MAP3K13: variants seen among roughly 807,000 people sequenced by gnomAD.
The protein encoded by MAP3K13 is leucine zipper-bearing kinase.
Under a neutral mutation model 104.0 loss-of-function variants are expected in MAP3K13, and 52 were observed. The observed-to-expected ratio is 0.50, with a 90% CI of 0.40 to 0.63. The LOEUF is 0.63. Ranked by LOEUF, MAP3K13 falls within the 20% of genes least tolerant of loss-of-function variation. The pLI is 0.00. For missense variants in MAP3K13, 914 were observed against 1,218.5 expected (o/e 0.75, Z 3.72); for synonymous variants, 394 against 442.2 (o/e 0.89, Z 1.37).
chr3:185,410,554 C>T (rs141660190), intron 1 of MAP3K13, among the ~76,000 whole-genome samples: 3 of 152,180 alleles, frequency 2.0e-5, no homozygotes, highest in African/African-American at 7.2e-5. Flanking sequence ...TGCTAATTAC[C>T]CCAATCTGCT....
At chr3:185,309,559 G>T (rs1331414505) in intron 2 of MAP3K13, among the ~76,000 whole-genome samples, 4 of 151,772 alleles carry the variant, frequency 2.6e-5, no homozygotes, top group Non-Finnish European at 5.9e-5. Flanking sequence ...AAAGATTGGG[G>T]CAAGTCAGCA....
At chr3:185,283,366 C>G (rs1720379260) in intron 1 of MAP3K13, among the ~76,000 whole-genome samples, 2 of 152,042 alleles carry the variant, frequency 1.3e-5, no homozygotes, top group South Asian at 4.1e-4. Flanking sequence ...CTAGGGTTCA[C>G]CTACCCCGAC....
At position 185,428,796 on chromosome 3, in the gene MAP3K13, T is replaced by C; in HGVS notation, c.215T>C (p.Val72Ala). The C allele has an allele frequency of 1.2e-6, 2 of 1,614,046 alleles. No individual in the cohort carries two copies. Among genetic ancestry groups the C allele is most frequent in the South Asian group, 2.2e-5 (2 of 91,074 alleles). Residue 72 changes from valine to alanine, a missense_variant, in exon 2 of 14, where the codon GTA becomes GCA. By Grantham distance (64) the Val-to-Ala change is moderately conservative. Transcript: ENST00000265026. Reference protein sequence around the residue: ...SPVTTTVLTSVSEDSRDQFEN... With the variant: ...SPVTTTVLTSASEDSRDQFEN... ...GTCACCACAACAGTGTTGACGAGCG[T>C]AAGTGAGGATTCCAGGGACCAGTTT...
intron 1 of MAP3K13, among the ~76,000 whole-genome samples, chr3:185,384,126 C>A (rs533611998): frequency 1.8e-4 from 27 of 152,264 alleles, no homozygotes; most frequent in African/African-American, 6.0e-4. Context: ...CTTCTGGTAA[C>A]TATTGTTCTA....
chr3:185,328,908 A>G (rs1722138221), intron 2 of MAP3K13: 5 of 294,168 alleles, frequency 1.7e-5, no homozygotes, highest in Non-Finnish European at 3.3e-5. Flanking sequence ...TTAGTCTGTG[A>G]GGAAACTGGC....
chr3:185,318,771 C>CT (rs1246900349), intron 2 of MAP3K13, among the ~76,000 whole-genome samples: 4 of 152,060 alleles, frequency 2.6e-5, no homozygotes, highest in Non-Finnish European at 5.9e-5. Context: ...CAAAATAGAG[C>CT]TTTTAAAAAA....
intron 2 of MAP3K13, among the ~76,000 whole-genome samples, chr3:185,339,771 G>T (rs962595558): frequency 6.6e-6 from 1 of 152,216 alleles, no homozygotes; most frequent in Non-Finnish European, 1.5e-5. Flanking sequence ...GATTTGGCCC[G>T]TGGGCTATAG....
At chr3:185,369,963 C>T (rs978416974) in intron 1 of MAP3K13, among the ~76,000 whole-genome samples, 1 of 152,210 alleles carries the variant, frequency 6.6e-6, no homozygotes, top group African/African-American at 2.4e-5. Flanking sequence ...CTTACCAGGT[C>T]ATCCTTAGCA....
intron 2 of MAP3K13, among the ~76,000 whole-genome samples, chr3:185,294,870 T>C (rs1384706928): frequency 2.0e-5 from 3 of 152,216 alleles, no homozygotes; most frequent in African/African-American, 4.8e-5. Context: ...TTCTGTCTTT[T>C]CTACTTCCTA....
chr3:185,431,929 C>T (rs1048562674), intron 2 of MAP3K13, among the ~76,000 whole-genome samples: 2 of 152,100 alleles, frequency 1.3e-5, no homozygotes, highest in South Asian at 2.1e-4. Context: ...AATTCTTCGT[C>T]AGTCCCTGGT....
In MAP3K13 at chr3:185,488,337, C is replaced by T. The variant is rs918125373; in HGVS notation, c.*5881C>T. 2 of 152,146 alleles carry T rather than the reference C, an allele frequency of 1.3e-5. No individual in the cohort carries two copies. Among genetic ancestry groups the T allele is most frequent in the African/African-American group, 4.8e-5 (2 of 41,426 alleles). The allele number at this position is 152,146 out of a possible 1,614,324, so 9.4% of individuals were successfully genotyped here. On this transcript the variant is annotated 3_prime_UTR_variant, in exon 14 of 14. Transcript: ENST00000265026. The stretch of plus-strand genomic sequence containing the variant: ...AGTGTCCCACCCTCACAGACTGGCA[C>T]ATTAGAATCATATTAATCTGCTTGT...
chr3:185,429,407 A>T (rs1274903249), intron 2 of MAP3K13, among the ~76,000 whole-genome samples: 1 of 152,230 alleles, frequency 6.6e-6, no homozygotes, highest in Admixed American at 6.5e-5. Context: ...TCATATTTTA[A>T]TATAGCTGTG....
chr3:185,303,478 G>C (rs573308894), intron 2 of MAP3K13, among the ~76,000 whole-genome samples: 32 of 151,830 alleles, frequency 2.1e-4, no homozygotes, highest in Non-Finnish European at 5.9e-5. Flanking sequence ...GGAGGTGTTT[G>C]ATTACTGATT....
chr3:185,341,931 T>G, intron 2 of MAP3K13, among the ~76,000 whole-genome samples: 1 of 152,234 alleles, frequency 6.6e-6, no homozygotes, highest in Non-Finnish European at 1.5e-5. Context: ...TCTAGCACTT[T>G]AAGAAAAAGT....
At chr3:185,373,890 T>G (rs185682622) in intron 1 of MAP3K13, among the ~76,000 whole-genome samples, 11 of 147,172 alleles carry the variant, frequency 7.5e-5, no homozygotes, top group Non-Finnish European at 1.6e-4. Flanking sequence ...GCAGGCGGGC[T>G]GAGTCCGCAA....
chr3:185,329,043 AAT>A (rs1158450456), intron 2 of MAP3K13: 1 of 494,230 alleles, frequency 2.0e-6, no homozygotes, highest in African/African-American at 1.9e-5. Context: ...TCAAAGATTA[AAT>A]CAAGTTTCTA....
chr3:185,459,829 T>C (rs1337671521), intron 7 of MAP3K13, among the ~76,000 whole-genome samples: 1 of 152,150 alleles, frequency 6.6e-6, no homozygotes, highest in Non-Finnish European at 1.5e-5. Flanking sequence ...CACTATCTGT[T>C]TCCAAAAATT....
chr3:185,472,871 A>T, intron 10 of MAP3K13, 104 bp from the exon 11 acceptor site: 1 of 1,030,856 alleles, frequency 9.7e-7, no homozygotes, highest in Non-Finnish European at 1.5e-6. Context: ...AATCCTGATG[A>T]CTGCTGATTC....
intron 2 of MAP3K13, among the ~76,000 whole-genome samples, chr3:185,321,795 G>C (rs1721879376): frequency 6.6e-6 from 1 of 152,130 alleles, no homozygotes; most frequent in Non-Finnish European, 1.5e-5. Context: ...GTAGAGACAA[G>C]GTTTCACCAT....
Sources: gnomAD v4.1 joint callset for allele counts (sites outside exome capture counted in the v4.1 genomes callset) on GRCh38, gnomAD v4.1.1 for gene constraint, MANE v1.5 for transcripts, NCBI Gene and HGNC (gene_info 2026-07-23, HGNC 2026-07-21) for gene names.